Variants in EXOC2 observed in about 807,000 individuals in gnomAD.
EXOC2 encodes the protein SEC5-like 1.
EXOC2 carries 70 observed loss-of-function variants against 131.8 expected under a neutral mutation model. The observed-to-expected ratio is 0.53, with a 90% CI of 0.44 to 0.65. The LOEUF (loss-of-function observed/expected upper bound fraction) is 0.65. Among genes scored for constraint, EXOC2 ranks in the 30% least tolerant of loss-of-function variants. EXOC2 has a pLI of 0.00. For missense variants in EXOC2, 923 were observed against 1,108.6 expected (o/e 0.83, Z 2.38); for synonymous variants, 411 against 398.4 (o/e 1.03, Z -0.38).
chr6:578,350 T>G (rs1690147218), intron 11 of EXOC2, among the ~76,000 whole-genome samples: 1 of 152,092 alleles, frequency 6.6e-6, no homozygotes, highest in African/African-American at 2.4e-5. Context: ...GGGGATAAAG[T>G]GATGAATAAT....
intron 7 of EXOC2, among the ~76,000 whole-genome samples, chr6:607,902 GAATA>G (rs1423514949): frequency 6.6e-6 from 1 of 151,972 alleles, no homozygotes; most frequent in Admixed American, 6.6e-5. Context: ...GATAAACTCT[GAATA>G]AATGACCTAA....
chr6:548,816 C>T (rs899616119), intron 22 of EXOC2, among the ~76,000 whole-genome samples: 9 of 152,150 alleles, frequency 5.9e-5, no homozygotes, highest in Non-Finnish European at 1.2e-4. Flanking sequence ...GTATCTAAAG[C>T]GTTCACCTAA....
At chr6:536,928 C>G (rs1297397173) in intron 22 of EXOC2, among the ~76,000 whole-genome samples, 3 of 152,080 alleles carry the variant, frequency 2.0e-5, no homozygotes, top group Non-Finnish European at 4.4e-5. Flanking sequence ...TTATTTAGAG[C>G]CTTCTAAAAA....
intron 7 of EXOC2, among the ~76,000 whole-genome samples, chr6:609,831 G>A (rs1760623807): frequency 6.6e-6 from 1 of 152,166 alleles, no homozygotes; most frequent in African/African-American, 2.4e-5. Flanking sequence ...TTATATGCTG[G>A]TTGGTTTTAG....
At chr6:493,362 G>C (rs1009706259) in intron 25 of EXOC2, among the ~76,000 whole-genome samples, 1 of 152,094 alleles carries the variant, frequency 6.6e-6, no homozygotes, top group Non-Finnish European at 1.5e-5. Context: ...TTATATTCTA[G>C]TATAGGTAAA....
At chr6:675,242 C>T (rs1438996400) in intron 1 of EXOC2, among the ~76,000 whole-genome samples, 1 of 152,200 alleles carries the variant, frequency 6.6e-6, no homozygotes, top group African/African-American at 2.4e-5. Flanking sequence ...TGACTCAATA[C>T]TAATTCTCGC....
chr6:692,790 T>G (rs1294310307), intron 1 of EXOC2, among the ~76,000 whole-genome samples: 1 of 64,580 alleles, frequency 1.5e-5, no homozygotes, highest in African/African-American at 3.8e-5. Context: ...GGGTGCGAAC[T>G]GGCGGGGGTG....
In EXOC2 at chr6:668,148, TGTCTTGCTCC is replaced by T. The variant is rs570759447; in HGVS notation, c.-44+24861_-44+24870del. Among the ~76,000 whole-genome samples, 208 of 151,018 alleles carry T rather than the reference TGTCTTGCTCC, an allele frequency of 1.4e-3. 1 individual carries two copies. Among genetic ancestry groups the T allele is most frequent in the South Asian group, 0.011 (51 of 4,758 alleles). On this transcript the variant is annotated intron_variant, in intron 1 of 27. Coordinates refer to ENST00000230449, the MANE Select transcript of EXOC2 (RefSeq NM_018303.6). ...GTCTGAGTGTAGATTTTTTGGTATT[TGTCTTGCTCC>T]GTGTTCTCTGGGCTCCCAGGATCTA...
intron 11 of EXOC2, among the ~76,000 whole-genome samples, chr6:580,599 A>G (rs1389015824): frequency 2.0e-5 from 3 of 152,126 alleles, no homozygotes; most frequent in African/African-American, 7.2e-5. Flanking sequence ...AATACTACCA[A>G]ATTGTTCCCT....
At chr6:539,395 C>T (rs750672634) in intron 22 of EXOC2, among the ~76,000 whole-genome samples, 4 of 151,836 alleles carry the variant, frequency 2.6e-5, no homozygotes, top group South Asian at 2.1e-4. Flanking sequence ...TCTCACGCAC[C>T]GGCACTGATG....
intron 21 of EXOC2, among the ~76,000 whole-genome samples, chr6:550,900 C>T (rs1757108983): frequency 6.6e-6 from 1 of 152,178 alleles, no homozygotes; most frequent in Non-Finnish European, 1.5e-5. Flanking sequence ...CTGAGCCTGC[C>T]ACATCTTCTC....
At chr6:574,627 C>G (rs1024454297) in intron 12 of EXOC2, among the ~76,000 whole-genome samples, 1 of 152,120 alleles carries the variant, frequency 6.6e-6, no homozygotes, top group Non-Finnish European at 1.5e-5. Flanking sequence ...GTGAAAGGAA[C>G]GGTTCTTTAC....
intron 23 of EXOC2, among the ~76,000 whole-genome samples, chr6:508,386 C>A (rs1184107240): frequency 6.6e-6 from 1 of 152,182 alleles, no homozygotes; most frequent in Non-Finnish European, 1.5e-5. Flanking sequence ...TATATAACGA[C>A]AGGTACCAAC....
At chr6:531,396 T>TGTGTGCACAGAAAAGC (rs140803113) in intron 23 of EXOC2, among the ~76,000 whole-genome samples, 1 of 152,176 alleles carries the variant, frequency 6.6e-6, no homozygotes, top group East Asian at 1.9e-4. Flanking sequence ...GCACAGAAAG[T>TGTGTGCACAGAAAAGC]GTGTGCACAG....
At chr6:498,854 T>C (rs922943523) in intron 24 of EXOC2, among the ~76,000 whole-genome samples, 5 of 152,176 alleles carry the variant, frequency 3.3e-5, no homozygotes, top group Non-Finnish European at 7.4e-5. Context: ...AATGGTAGCC[T>C]CTTTGATCTG....
At chr6:502,570 G>C (rs1364191829) in intron 23 of EXOC2, among the ~76,000 whole-genome samples, 3 of 152,090 alleles carry the variant, frequency 2.0e-5, no homozygotes, top group Non-Finnish European at 4.4e-5. Context: ...AAGAGGTGAA[G>C]TGTAAACTGC....
chr6:608,674 C>T (rs1185790290), intron 7 of EXOC2, among the ~76,000 whole-genome samples: 2 of 151,288 alleles, frequency 1.3e-5, no homozygotes, highest in Non-Finnish European at 2.9e-5. Context: ...CACATTACCA[C>T]ACTATGGTAA....
intron 1 of EXOC2, among the ~76,000 whole-genome samples, chr6:688,793 T>A (rs976319791): frequency 1.1e-4 from 16 of 152,228 alleles, no homozygotes; most frequent in African/African-American, 3.4e-4. Context: ...TGGCATGACT[T>A]CTGATTCCTG....
rs568346800 is a variant in EXOC2, at chr6:614,734, T to C, written c.661+2977A>G. On this transcript the variant is annotated intron_variant, in intron 6 of 27. Coordinates refer to ENST00000230449, the MANE Select transcript of EXOC2 (RefSeq NM_018303.6). ...ATTTGTCTGTCATGTTTAATATAAA[T>C]AAGCTATATTTAAATAATATAATCA... Among the ~76,000 whole-genome samples the C allele has an allele frequency of 3.2e-4, 49 of 152,266 alleles. 1 individual carries two copies. In the South Asian group the frequency reaches 1.0e-2, roughly 31 times the overall value.
Sources: gnomAD v4.1 joint callset for allele counts (sites outside exome capture counted in the v4.1 genomes callset) on GRCh38, gnomAD v4.1.1 for gene constraint, MANE v1.5 for transcripts, NCBI Gene and HGNC (gene_info 2026-07-23, HGNC 2026-07-21) for gene names.